The following UNC5A variants were observed in gnomAD, a reference collection of about 807,000 sequenced individuals.
The protein encoded by UNC5A is unc-5 netrin receptor A.
A neutral mutation model predicts 87.4 loss-of-function variants in UNC5A; 20 were observed. The observed-to-expected ratio is 0.23, with a 90% CI of 0.16 to 0.33. UNC5A has a LOEUF of 0.33. Among genes scored for constraint, UNC5A ranks in the 10% least tolerant of loss-of-function variants. UNC5A has a pLI of 1.00. For synonymous variants in UNC5A, 438 were observed against 482.3 expected (o/e 0.91, Z 1.20); for missense variants, 844 against 1,133.4 (o/e 0.74, Z 3.67).
At chr5:176,820,193 C>T (rs374553420) in intron 1 of UNC5A, among the ~76,000 whole-genome samples, 17 of 152,264 alleles carry the variant, frequency 1.1e-4, no homozygotes, top group African/African-American at 3.6e-4. Flanking sequence ...GTCAGGAAAT[C>T]GAGACCATCC....
At chr5:176,830,650 TTGTGTGTGTGTG>T (rs1756985947) in intron 1 of UNC5A, among the ~76,000 whole-genome samples, 2 of 56,244 alleles carry the variant, frequency 3.6e-5, no homozygotes, top group Non-Finnish European at 3.4e-5. Context: ...GCGTGTGCAT[TTGTGTGTGTGTG>T]CTGGTGTGTG....
At position 176,875,569 on chromosome 5, in the gene UNC5A, C is replaced by G. The variant is rs1374683201; in HGVS notation, c.1378+1003C>G. ...GCCTCTCCTGACACGGGCCACCAAA[C>G]CCCTTACCTGGTTCCTTGCTGTAAA... On this transcript the variant is annotated intron_variant, in intron 8 of 14. Transcript: ENST00000329542. The surrounding 1 kb of genome is among the most constrained non-coding windows in gnomAD (Gnocchi z 5.2). 6.6e-6 allele frequency among the ~76,000 whole-genome samples: 1 copy of G among 152,156 alleles called. No individual in the cohort carries two copies. Among genetic ancestry groups the G allele is most frequent in the Non-Finnish European group, 1.5e-5 (1 of 68,036 alleles).
At chr5:176,860,861 G>C (rs937657963) in intron 1 of UNC5A, among the ~76,000 whole-genome samples, 2 of 152,200 alleles carry the variant, frequency 1.3e-5, no homozygotes, top group African/African-American at 4.8e-5. Flanking sequence ...GGGCACACAA[G>C]GGAAAAAGCC....
At chr5:176,845,518 C>T (rs1408175266) in intron 1 of UNC5A, among the ~76,000 whole-genome samples, 1 of 152,264 alleles carries the variant, frequency 6.6e-6, no homozygotes, top group Non-Finnish European at 1.5e-5. Flanking sequence ...CCCTGCTGGA[C>T]GATGAGTGCC....
chr5:176,826,678 T>C (rs1454382961), intron 1 of UNC5A, among the ~76,000 whole-genome samples: 1 of 146,286 alleles, frequency 6.8e-6, no homozygotes, highest in Non-Finnish European at 1.5e-5. Flanking sequence ...TCTTGCTCTG[T>C]TGCCCAGGCT....
At chr5:176,835,728 G>GGTGTGTGT (rs1444755132) in intron 1 of UNC5A, among the ~76,000 whole-genome samples, 4 of 63,476 alleles carry the variant, frequency 6.3e-5, no homozygotes, top group African/African-American at 9.2e-5. Flanking sequence ...TTTGATAAAG[G>GGTGTGTGT]ATGTGTGTGT....
At chr5:176,861,109 GC>G (rs1217774307) in intron 1 of UNC5A, among the ~76,000 whole-genome samples, 10 of 152,336 alleles carry the variant, frequency 6.6e-5, no homozygotes, top group African/African-American at 2.4e-4. Context: ...CCAGCTCTGT[GC>G]CTCAGTTTCC....
chr5:176,823,862 G>T (rs943782082), intron 1 of UNC5A, among the ~76,000 whole-genome samples: 1 of 152,200 alleles, frequency 6.6e-6, no homozygotes, highest in Non-Finnish European at 1.5e-5. Flanking sequence ...GCTCCATCTC[G>T]AGGGGGTTGG....
At chr5:176,820,406 A>AT (rs1368923970) in intron 1 of UNC5A, among the ~76,000 whole-genome samples, 1 of 152,180 alleles carries the variant, frequency 6.6e-6, no homozygotes, top group Non-Finnish European at 1.5e-5. Context: ...CAAAAAAAAA[A>AT]GAAAAGAAAG....
chr5:176,845,241 G>C (rs545669314), intron 1 of UNC5A, among the ~76,000 whole-genome samples: 2 of 152,254 alleles, frequency 1.3e-5, no homozygotes, highest in East Asian at 3.9e-4. Flanking sequence ...CCCCACGACA[G>C]AGCCCTCGCT....
chr5:176,813,279 G>C (rs1756513707), intron 1 of UNC5A, among the ~76,000 whole-genome samples: 1 of 152,226 alleles, frequency 6.6e-6, no homozygotes, highest in African/African-American at 2.4e-5. Context: ...TTGGGAGCTG[G>C]CTCCCTTGAA....
intron 1 of UNC5A, among the ~76,000 whole-genome samples, chr5:176,833,917 G>C (rs2962834): frequency 0.83 from 126,353 of 151,952 alleles, 55,162 homozygotes; most frequent in Non-Finnish European, 0.96. Flanking sequence ...TGTTAGCCAG[G>C]ATGATCTCAA....
At chr5:176,872,074 C>G (rs1581276459) in intron 6 of UNC5A, among the ~76,000 whole-genome samples, 1 of 75,352 alleles carries the variant, frequency 1.3e-5, no homozygotes, top group Non-Finnish European at 2.9e-5. Context: ...TGCCCACACT[C>G]ACCCCACACC....
chr5:176,843,344 C>G (rs1013844987), intron 1 of UNC5A, among the ~76,000 whole-genome samples: 1 of 152,052 alleles, frequency 6.6e-6, no homozygotes, highest in Non-Finnish European at 1.5e-5. Context: ...TACTGTGTAC[C>G]GCTAAAGAAG....
intron 1 of UNC5A, among the ~76,000 whole-genome samples, chr5:176,858,746 G>GGAAA (rs1757731394): frequency 4.1e-5 from 5 of 122,514 alleles, no homozygotes; most frequent in Admixed American, 3.3e-4. Context: ...AAGGAAGGAA[G>GGAAA]GAAGGAAGGA....
At chr5:176,834,699 C>CTCTCTG (rs1554097353) in intron 1 of UNC5A, among the ~76,000 whole-genome samples, 2 of 150,602 alleles carry the variant, frequency 1.3e-5, no homozygotes, top group South Asian at 4.2e-4. Context: ...CTCTCTCTCT[C>CTCTCTG]TCTCTGTCTC....
intron 1 of UNC5A, among the ~76,000 whole-genome samples, chr5:176,845,816 A>G (rs938938949): frequency 1.2e-4 from 19 of 152,196 alleles, no homozygotes; most frequent in African/African-American, 4.6e-4. Flanking sequence ...AGGTGCCATG[A>G]GCTGAGATTC....
chr5:176,816,307 A>T (rs892443997), intron 1 of UNC5A, among the ~76,000 whole-genome samples: 1 of 152,190 alleles, frequency 6.6e-6, no homozygotes, highest in Non-Finnish European at 1.5e-5. Flanking sequence ...AGAACTGGGG[A>T]CTGAGTCCCA....
rs764472157 is a variant in UNC5A, at chr5:176,877,213, C to T, written c.1400C>T (p.Pro467Leu). The T allele has an allele frequency of 3.1e-6, 5 of 1,612,740 alleles. No homozygotes were observed. Among genetic ancestry groups the T allele is most frequent in the African/African-American group, 1.3e-5 (1 of 74,892 alleles). ...CCAGGAATCAGCCTCCTCATCCCCC[C>T]AGATGCCATACCCCGAGGGAAGATC... ...PNTGISLLIPPDAIPRGKIYE... is the reference protein window; with the variant it reads ...PNTGISLLIPLDAIPRGKIYE... Residue 467 changes from proline to leucine, a missense_variant, in exon 9 of 15, where the codon CCA becomes CTA. This residue lies in a region of UNC5A where 353 missense variants were observed against 387.5 expected (regional missense o/e 0.91). Transcript: ENST00000329542.
Sources: allele counts gnomAD v4.1 joint callset (sites outside exome capture counted in the v4.1 genomes callset), GRCh38; gene constraint gnomAD v4.1.1; regional missense constraint gnomAD v4.1.1; non-coding constraint Gnocchi (gnomAD v3.1); transcripts MANE v1.5; gene names NCBI Gene and HGNC (gene_info 2026-07-23, HGNC 2026-07-21).